FRYL: variants seen among roughly 807,000 people sequenced by gnomAD.
FRYL encodes the protein protein furry homolog-like.
In FRYL, 150 loss-of-function variants were observed where a neutral mutation model predicts 351.2. The ratio of observed to expected loss-of-function variants is 0.43; its 90% CI spans 0.37 to 0.49. The LOEUF (loss-of-function observed/expected upper bound fraction) is 0.49. Among genes scored for constraint, FRYL ranks in the 20% least tolerant of loss-of-function variants. The probability of loss-of-function intolerance (pLI) is 0.00; values close to 1 mark genes in which losing one functional copy is unlikely to be tolerated. For missense variants in FRYL, 3,036 were observed against 3,619.3 expected, an observed-to-expected ratio of 0.84 and a Z score of 4.13; for synonymous variants, 1,153 against 1,257.1, an observed-to-expected ratio of 0.92 and a Z score of 1.75.
intron 4 of FRYL, among the ~76,000 whole-genome samples, chr4:48,625,422 T>C (rs1578405844): frequency 6.6e-6 from 1 of 152,234 alleles, no homozygotes; most frequent in Admixed American, 6.5e-5. Context: ...TGGCCTTCCA[T>C]ATCCTTGAGT....
At chr4:48,666,865 A>G (rs187628272) in intron 3 of FRYL, among the ~76,000 whole-genome samples, 14 of 152,332 alleles carry the variant, frequency 9.2e-5, no homozygotes, top group Non-Finnish European at 1.8e-4. Flanking sequence ...CTCACTCTTT[A>G]GAAACACAAA....
intron 4 of FRYL, among the ~76,000 whole-genome samples, chr4:48,632,091 A>AATATATATAT (rs1560753223): frequency 2.6e-4 from 6 of 23,384 alleles, no homozygotes; most frequent in African/African-American, 2.1e-4. Context: ...AAAAAAAAAA[A>AATATATATAT]ATATATATAT....
intron 44 of FRYL, 64 bp downstream of exon 44, chr4:48,543,743 T>A: frequency 7.1e-7 from 1 of 1,417,496 alleles, no homozygotes. Flanking sequence ...GCAATCTATA[T>A]GGACAATAAA....
At chr4:48,533,112 A>T (rs1478248165) in intron 49 of FRYL, among the ~76,000 whole-genome samples, 1 of 152,114 alleles carries the variant, frequency 6.6e-6, no homozygotes, top group Non-Finnish European at 1.5e-5. Context: ...TGTGCAGTTC[A>T]CTTAGCCACA....
intron 1 of FRYL, among the ~76,000 whole-genome samples, chr4:48,737,550 A>G (rs147065712): frequency 1.3e-5 from 2 of 152,198 alleles, no homozygotes; most frequent in Admixed American, 6.5e-5. Flanking sequence ...CCAAACTTTT[A>G]AAAAGACATT....
chr4:48,690,230 T>C (rs1189937689), intron 2 of FRYL, among the ~76,000 whole-genome samples: 4 of 152,264 alleles, frequency 2.6e-5, no homozygotes, highest in Admixed American at 2.6e-4. Flanking sequence ...AATTTTACTA[T>C]TCGTAGTAAA....
chr4:48,731,990 C>A (rs1241726512), intron 1 of FRYL, among the ~76,000 whole-genome samples: 1 of 152,084 alleles, frequency 6.6e-6, no homozygotes, highest in Non-Finnish European at 1.5e-5. Flanking sequence ...AGTGAGGCAA[C>A]CTACAGAATG....
At chr4:48,516,776 T>C (rs1723711187) in intron 55 of FRYL, among the ~76,000 whole-genome samples, 1 of 152,166 alleles carries the variant, frequency 6.6e-6, no homozygotes, top group South Asian at 2.1e-4. Flanking sequence ...TGAATGACAA[T>C]AACATATACC....
chr4:48,544,756 A>G (rs762251568), intron 43 of FRYL, 27 bp downstream of exon 43: 1 of 1,550,736 alleles, frequency 6.4e-7, no homozygotes, highest in East Asian at 2.3e-5. Flanking sequence ...AAATGTCACT[A>G]AAACTAAAAT....
chr4:48,776,168 A>G (rs1425031447), intron 1 of FRYL, among the ~76,000 whole-genome samples: 1 of 149,540 alleles, frequency 6.7e-6, no homozygotes, highest in Non-Finnish European at 1.5e-5. Context: ...TTTTTTTTTA[A>G]ATAGAGTCAG....
At chr4:48,525,518 C>T (rs548721337) in intron 53 of FRYL, among the ~76,000 whole-genome samples, 7 of 152,242 alleles carry the variant, frequency 4.6e-5, no homozygotes, top group African/African-American at 1.2e-4. Flanking sequence ...CAGTGTGATA[C>T]GGGAGAGTGC....
At chr4:48,715,021 C>A (rs1234367502) in intron 1 of FRYL, among the ~76,000 whole-genome samples, 1 of 152,126 alleles carries the variant, frequency 6.6e-6, no homozygotes, top group Non-Finnish European at 1.5e-5. Flanking sequence ...AAGACAAAAA[C>A]CACATGATTA....
At chr4:48,554,944 G>T (rs1190224649) in intron 35 of FRYL, among the ~76,000 whole-genome samples, 1 of 152,162 alleles carries the variant, frequency 6.6e-6, no homozygotes, top group Non-Finnish European at 1.5e-5. Context: ...AGTGACAAGA[G>T]TGAGAACTTG....
Position 48,691,006 on chromosome 4 carries a change from C to T in FRYL, c.-203-6211G>A, listed in dbSNP as rs556448405. Among the ~76,000 whole-genome samples, 44 of 152,252 alleles carry T rather than the reference C, an allele frequency of 2.9e-4. 1 individual carries two copies. The South Asian group carries it at 8.9e-3, about 31-fold the overall frequency. On this transcript the variant is annotated intron_variant, in intron 2 of 63. Coordinates refer to ENST00000358350, the MANE Select transcript of FRYL (RefSeq NM_015030.2). ...TCCTCTTTTTCTCTGTGTTCACTGC[C>T]TCCAGCAAGCTTAGAGAAGCCTGAC...
At chr4:48,748,958 TAAGAAC>T (rs1257559264) in intron 1 of FRYL, among the ~76,000 whole-genome samples, 2 of 151,840 alleles carry the variant, frequency 1.3e-5, no homozygotes, top group African/African-American at 4.8e-5. Context: ...ACATCAGGAG[TAAGAAC>T]ATTCTAGCCA....
At chr4:48,779,934 G>C (rs1398233243) in intron 1 of FRYL, 144 bp downstream of exon 1, 1 of 151,972 alleles carries the variant, frequency 6.6e-6, no homozygotes, top group Non-Finnish European at 1.5e-5. Context: ...GCCTTCCCTC[G>C]GCGCCCACCA....
chr4:48,527,663 G>C lies in FRYL; in HGVS notation c.7141-10C>G, dbSNP rs367963330. On this transcript the variant is annotated splice_polypyrimidine_tract_variant and intron_variant, in intron 52 of 63. Coordinates refer to ENST00000358350, the MANE Select transcript of FRYL (RefSeq NM_015030.2). The stretch of plus-strand genomic sequence containing the variant: ...TAGAAGAAAATACAACCTGATGCCC[G>C]ATTAAAAAAAAAAAAAAAGTCCATC... 1.4e-6 allele frequency: 2 copies of C among 1,426,372 alleles called. No individual in the cohort carries two copies. The highest frequency in any genetic ancestry group is 1.3e-5 in the South Asian group (1 of 77,854). 88.4% of individuals were successfully genotyped at this position (1,426,372 alleles called of 1,614,324 possible).
chr4:48,735,862 C>T (rs1578873441), intron 1 of FRYL, among the ~76,000 whole-genome samples: 1 of 107,282 alleles, frequency 9.3e-6, no homozygotes, highest in Non-Finnish European at 1.9e-5. Flanking sequence ...GGGAGATATA[C>T]CTAATGCTAG....
intron 1 of FRYL, among the ~76,000 whole-genome samples, chr4:48,768,353 G>T (rs1775172695): frequency 6.6e-6 from 1 of 152,162 alleles, no homozygotes; most frequent in Non-Finnish European, 1.5e-5. Flanking sequence ...AACGAAAATC[G>T]TAGCACTGGC....
Sources: allele counts gnomAD v4.1 joint callset (sites outside exome capture counted in the v4.1 genomes callset), GRCh38; gene constraint gnomAD v4.1.1; transcripts MANE v1.5; gene names NCBI Gene and HGNC (gene_info 2026-07-23, HGNC 2026-07-21).